Variants in CMSS1 observed in about 807,000 individuals in gnomAD.
CMSS1 encodes protein CMSS1.
CMSS1 carries 33 observed loss-of-function variants against 43.5 expected under a neutral mutation model. That is an observed-to-expected ratio of 0.76 (90% CI 0.57 to 1.01). The LOEUF (loss-of-function observed/expected upper bound fraction) is 1.01, where lower values mean the gene tolerates loss of function less well. CMSS1 is among the 50% of genes least tolerant of loss of function. The pLI is 0.00. For synonymous variants in CMSS1, 115 were observed against 117.2 expected (o/e 0.98, Z 0.12); for missense variants, 313 against 326.4 (o/e 0.96, Z 0.32).
intron 8 of CMSS1, among the ~76,000 whole-genome samples, chr3:100,173,156 AC>A (rs1264041813): frequency 6.6e-6 from 1 of 152,210 alleles, no homozygotes; most frequent in African/African-American, 2.4e-5. Flanking sequence ...CCAGGGAGCA[AC>A]AAAAGCTAAA....
chr3:100,000,588 G>A (rs1020818551), intron 1 of CMSS1, among the ~76,000 whole-genome samples: 1 of 152,210 alleles, frequency 6.6e-6, no homozygotes, highest in African/African-American at 2.4e-5. Flanking sequence ...AGTAGCTTAT[G>A]GCTGTAATTC....
chr3:100,021,736 A>C (rs1280969368), intron 1 of CMSS1, among the ~76,000 whole-genome samples: 1 of 151,834 alleles, frequency 6.6e-6, no homozygotes, highest in Non-Finnish European at 1.5e-5. Context: ...TGTAAAGGGA[A>C]CCTCCCCTTC....
At position 100,179,566 on chromosome 3, in the gene CMSS1, G is replaced by A. The variant is rs1251121002; in HGVS notation, c.*1178G>A. On this transcript the variant is annotated 3_prime_UTR_variant, in exon 10 of 10. Coordinates refer to ENST00000421999, the MANE Select transcript of CMSS1 (RefSeq NM_032359.4). ...GCTCCAAAATAATCTTTGACTCCAT[G>A]TCTCACATCCAGGCCACTCTGATGC... The A allele has an allele frequency of 6.6e-6, 1 of 152,028 alleles. No homozygotes were observed. Among genetic ancestry groups the A allele is most frequent in the Non-Finnish European group, 1.5e-5 (1 of 68,028 alleles). 9.4% of individuals were successfully genotyped at this position (152,028 alleles called of 1,614,324 possible).
chr3:100,126,618 T>C (rs1388675262), intron 1 of CMSS1, among the ~76,000 whole-genome samples: 2 of 152,224 alleles, frequency 1.3e-5, no homozygotes, highest in Non-Finnish European at 2.9e-5. Context: ...TATAGTCTTT[T>C]TTTGTAACCT....
chr3:100,162,289 T>A lies in CMSS1; in HGVS notation c.226-14T>A, dbSNP rs1263995372. On this transcript the variant is annotated splice_polypyrimidine_tract_variant and intron_variant, in intron 3 of 9. Coordinates refer to ENST00000421999, the MANE Select transcript of CMSS1 (RefSeq NM_032359.4). ...AAATATGTCGTCCCATTTTTCTTCT[T>A]TCTCATATCTTAGAAGAAAATTACT... 4 of 1,603,614 alleles carry A rather than the reference T, an allele frequency of 2.5e-6. No individual in the cohort carries two copies. Among genetic ancestry groups the A allele is most frequent in the Non-Finnish European group, 2.6e-6 (3 of 1,175,662 alleles).
chr3:99,996,322 C>G (rs930385595), intron 1 of CMSS1, among the ~76,000 whole-genome samples: 1 of 152,180 alleles, frequency 6.6e-6, no homozygotes, highest in Non-Finnish European at 1.5e-5. Context: ...TTCCTCATTT[C>G]CATCTGAGAC....
intron 1 of CMSS1, chr3:99,964,341 T>G (rs1708582710): frequency 6.7e-6 from 1 of 149,156 alleles, no homozygotes; most frequent in Admixed American, 6.6e-5. Context: ...CATATGGTAC[T>G]CAGAGACTTA....
chr3:99,833,268 A>AG, intron 1 of CMSS1: 2 of 1,609,230 alleles, frequency 1.2e-6, no homozygotes, highest in Non-Finnish European at 1.7e-6. Flanking sequence ...CCACCTAGGG[A>AG]GCAGTAGAAA....
intron 1 of CMSS1, among the ~76,000 whole-genome samples, chr3:100,092,799 C>T (rs2066133586): frequency 6.6e-6 from 1 of 151,532 alleles, no homozygotes; most frequent in Non-Finnish European, 1.5e-5. Flanking sequence ...AATTAAGTGA[C>T]TAAGGATCAG....
Position 100,017,080 on chromosome 3 carries a change from C to T in CMSS1, c.65-129893C>T, listed in dbSNP as rs192897101. 4.6e-5 allele frequency among the ~76,000 whole-genome samples: 7 copies of T among 152,270 alleles called. No individual in the cohort carries two copies. The East Asian group carries it at 9.6e-4, about 21-fold the overall frequency. ...TGTGTATAATTCTTCATAAAGACTT[C>T]TATAGCACCTCATTTTGATATTTTT... On this transcript the variant is annotated intron_variant, in intron 1 of 9. Coordinates refer to ENST00000421999, the MANE Select transcript of CMSS1 (RefSeq NM_032359.4).
chr3:100,175,305 C>A (rs2107534230), intron 8 of CMSS1, among the ~76,000 whole-genome samples: 1 of 152,234 alleles, frequency 6.6e-6, no homozygotes, highest in Middle Eastern at 3.4e-3. Context: ...GTGGCTCATG[C>A]CTATAATCCC....
chr3:99,904,089 GT>G (rs1706531802), intron 1 of CMSS1, among the ~76,000 whole-genome samples: 1 of 152,164 alleles, frequency 6.6e-6, no homozygotes, highest in Non-Finnish European at 1.5e-5. Flanking sequence ...TGCTTACCTG[GT>G]TTAAGCTGCC....
At chr3:100,119,519 G>T (rs2066602475) in intron 1 of CMSS1, among the ~76,000 whole-genome samples, 1 of 152,210 alleles carries the variant, frequency 6.6e-6, no homozygotes. Flanking sequence ...TTGGGGTGCA[G>T]AGTGCACCTT....
intron 1 of CMSS1, among the ~76,000 whole-genome samples, chr3:99,835,572 G>A (rs1005060927): frequency 1.3e-5 from 2 of 152,200 alleles, no homozygotes; most frequent in Admixed American, 1.3e-4. Context: ...GAGCCTGTTA[G>A]GATGCAGAAT....
chr3:100,092,459 A>C (rs2066127268), intron 1 of CMSS1, among the ~76,000 whole-genome samples: 2 of 152,032 alleles, frequency 1.3e-5, no homozygotes, highest in South Asian at 4.2e-4. Context: ...ATATGAATGT[A>C]GTTGGATTCT....
chr3:100,130,023 T>C (rs779183134), intron 1 of CMSS1, among the ~76,000 whole-genome samples: 3 of 152,210 alleles, frequency 2.0e-5, no homozygotes, highest in Non-Finnish European at 4.4e-5. Flanking sequence ...ACCAGGATAT[T>C]ATCTCCTACA....
At chr3:99,866,051 C>G (rs1254661843) in intron 1 of CMSS1, among the ~76,000 whole-genome samples, 1 of 152,090 alleles carries the variant, frequency 6.6e-6, no homozygotes, top group Non-Finnish European at 1.5e-5. Flanking sequence ...TTAACCTCTA[C>G]TCTTCGTTGG....
intron 1 of CMSS1, among the ~76,000 whole-genome samples, chr3:99,936,970 T>C (rs528767819): frequency 1.3e-5 from 2 of 152,274 alleles, no homozygotes; most frequent in Non-Finnish European, 2.9e-5. Flanking sequence ...GGAGTTTTGC[T>C]CTTGTTACTC....
chr3:100,140,822 A>T (rs2066798260), intron 1 of CMSS1, among the ~76,000 whole-genome samples: 1 of 152,028 alleles, frequency 6.6e-6, no homozygotes, highest in Non-Finnish European at 1.5e-5. Context: ...AAATTTTTTT[A>T]ATTGGATATG....
Sources: allele counts gnomAD v4.1 joint callset (sites outside exome capture counted in the v4.1 genomes callset), GRCh38; gene constraint gnomAD v4.1.1; transcripts MANE v1.5; gene names NCBI Gene and HGNC (gene_info 2026-07-23, HGNC 2026-07-21).